Variants in ZDHHC15 observed in about 807,000 individuals in gnomAD.
ZDHHC15 encodes zDHHC palmitoyltransferase 15.
ZDHHC15 carries 19 observed loss-of-function variants against 31.7 expected under a neutral mutation model. The observed-to-expected ratio is 0.60, with a 90% CI of 0.42 to 0.88. The LOEUF (loss-of-function observed/expected upper bound fraction) is 0.88, where lower values mean the gene tolerates loss of function less well. Among genes scored for constraint, ZDHHC15 ranks in the 40% least tolerant of loss-of-function variants. The probability of loss-of-function intolerance (pLI) is 0.00; values close to 1 mark genes in which losing one functional copy is unlikely to be tolerated. For missense variants in ZDHHC15, 209 were observed against 251.2 expected, an observed-to-expected ratio of 0.83 and a Z score of 1.14; for synonymous variants, 103 against 90.0, an observed-to-expected ratio of 1.14 and a Z score of -0.82.
At chrX:75,468,041 ATTTTT>A (rs142205044) in intron 3 of ZDHHC15, among the ~76,000 whole-genome samples, 1 of 83,841 alleles carries the variant, frequency 1.2e-5, no homozygotes, top group Non-Finnish European at 2.3e-5. Context: ...AACTGGCATA[ATTTTT>A]TTTTTTTTTT....
chrX:75,386,739 A>C (rs1435646602), intron 10 of ZDHHC15, among the ~76,000 whole-genome samples: 3 of 112,391 alleles, frequency 2.7e-5, no homozygotes, highest in Non-Finnish European at 5.6e-5. Flanking sequence ...AGTCTCCCAC[A>C]GTGCTGGGAT....
At chrX:75,398,885 G>C (rs774124348) in intron 10 of ZDHHC15, among the ~76,000 whole-genome samples, 1 of 111,998 alleles carries the variant, frequency 8.9e-6, no homozygotes, top group East Asian at 2.8e-4. Flanking sequence ...TGCTTTTTAA[G>C]CAGTTCCCAA....
chrX:75,499,648 A>G (rs2085060495), intron 2 of ZDHHC15, among the ~76,000 whole-genome samples: 2 of 112,013 alleles, frequency 1.8e-5, no homozygotes, highest in African/African-American at 3.2e-5. Flanking sequence ...TGAATGTGGT[A>G]AAAAGGGAAC....
At chrX:75,481,920 G>A (rs1391039653) in intron 2 of ZDHHC15, among the ~76,000 whole-genome samples, 1 of 112,206 alleles carries the variant, frequency 8.9e-6, no homozygotes, top group Non-Finnish European at 1.9e-5. Flanking sequence ...GCAATAAAAT[G>A]TTAATTCTAA....
chrX:75,432,552 A>G (rs1253465576), intron 4 of ZDHHC15, among the ~76,000 whole-genome samples: 1 of 111,551 alleles, frequency 9.0e-6, no homozygotes, highest in African/African-American at 3.3e-5. Context: ...ATATACTGTC[A>G]ATGCTCCTAT....
intron 5 of ZDHHC15, among the ~76,000 whole-genome samples, chrX:75,430,467 A>G (rs2083767166): frequency 8.9e-6 from 1 of 111,893 alleles, no homozygotes; most frequent in African/African-American, 3.2e-5. Context: ...GTATTGGGTT[A>G]TAATGCAAAA....
intron 10 of ZDHHC15, among the ~76,000 whole-genome samples, chrX:75,416,205 A>T (rs1005296838): frequency 1.8e-5 from 2 of 111,329 alleles, no homozygotes; most frequent in South Asian, 7.6e-4. Context: ...ATTTCCTGGT[A>T]ATCAGGGCCT....
chrX:75,384,152 G>A (rs1179849619), intron 10 of ZDHHC15, among the ~76,000 whole-genome samples: 1 of 111,470 alleles, frequency 9.0e-6, no homozygotes, highest in Non-Finnish European at 1.9e-5. Flanking sequence ...TCATATGAGG[G>A]AATAAAAGAG....
At chrX:75,422,657 C>T (rs928642474) in intron 8 of ZDHHC15, among the ~76,000 whole-genome samples, 1 of 111,052 alleles carries the variant, frequency 9.0e-6, no homozygotes, top group Non-Finnish European at 1.9e-5. Flanking sequence ...CTCATTTGTT[C>T]TTTGTTTTCA....
At position 75,447,572 on chromosome X, in the gene ZDHHC15, A is replaced by T. The variant is rs140429507; in HGVS notation, c.379+3230T>A. Among the ~76,000 whole-genome samples, 326 of 111,653 alleles carry T rather than the reference A, an allele frequency of 2.9e-3. 1 individual carries two copies. Among genetic ancestry groups the T allele is most frequent in the African/African-American group, 9.7e-3 (298 of 30,762 alleles). On this transcript the variant is annotated intron_variant, in intron 4 of 11. Coordinates refer to ENST00000373367, the MANE Select transcript of ZDHHC15 (RefSeq NM_144969.3). ...GCCAATACCTTGCAGGGCTGGGGCA[A>T]GATTTTCCCAAAAGCTGTATATGCT...
intron 2 of ZDHHC15, among the ~76,000 whole-genome samples, chrX:75,485,705 C>T (rs1279166638): frequency 9.0e-6 from 1 of 111,019 alleles, no homozygotes; most frequent in African/African-American, 3.3e-5. Context: ...CTTGTCAAAA[C>T]GTAAAGGGGA....
At chrX:75,487,699 T>C (rs1373856614) in intron 2 of ZDHHC15, among the ~76,000 whole-genome samples, 15 of 111,956 alleles carry the variant, frequency 1.3e-4, no homozygotes, top group Non-Finnish European at 2.6e-4. Context: ...GAATTGCAGA[T>C]AAAGAATTCA....
intron 1 of ZDHHC15, among the ~76,000 whole-genome samples, chrX:75,507,435 G>C (rs766698089): frequency 5.4e-5 from 6 of 110,454 alleles, no homozygotes; most frequent in African/African-American, 2.0e-4. Context: ...TAAAAGATGT[G>C]GCACTTATCT....
chrX:75,453,503 T>C (rs1188240918), intron 3 of ZDHHC15, among the ~76,000 whole-genome samples: 3 of 111,246 alleles, frequency 2.7e-5, no homozygotes, highest in East Asian at 2.8e-4. Flanking sequence ...TTTCAATTGA[T>C]AGAAAAAGAG....
At chrX:75,406,733 G>C (rs780716088) in intron 10 of ZDHHC15, among the ~76,000 whole-genome samples, 4 of 107,441 alleles carry the variant, frequency 3.7e-5, no homozygotes, top group African/African-American at 1.0e-4. Context: ...AAAAGATGGC[G>C]TCACTGCTGA....
intron 9 of ZDHHC15, among the ~76,000 whole-genome samples, chrX:75,417,704 T>G (rs2083564130): frequency 9.0e-6 from 1 of 111,625 alleles, no homozygotes; most frequent in Non-Finnish European, 1.9e-5. Flanking sequence ...ATCTCTAGAC[T>G]GCAGATTTTC....
chrX:75,410,917 T>C (rs1432436095), intron 10 of ZDHHC15, among the ~76,000 whole-genome samples: 1 of 112,260 alleles, frequency 8.9e-6, no homozygotes, highest in African/African-American at 3.2e-5. Flanking sequence ...TATAAAAACG[T>C]TAAAATCCTG....
intron 10 of ZDHHC15, among the ~76,000 whole-genome samples, chrX:75,380,827 C>T (rs1437291983): frequency 1.8e-5 from 2 of 111,328 alleles, no homozygotes; most frequent in African/African-American, 6.5e-5. Flanking sequence ...TCTACTTGAA[C>T]CAAGAATGAT....
intron 10 of ZDHHC15, among the ~76,000 whole-genome samples, chrX:75,403,627 C>A (rs1049824801): frequency 2.7e-5 from 3 of 111,647 alleles, no homozygotes; most frequent in Non-Finnish European, 5.7e-5. Flanking sequence ...TTCCCATTCA[C>A]AATTGCCACA....
Sources: allele counts gnomAD v4.1 joint callset (sites outside exome capture counted in the v4.1 genomes callset), GRCh38; gene constraint gnomAD v4.1.1; transcripts MANE v1.5; gene names NCBI Gene and HGNC (gene_info 2026-07-23, HGNC 2026-07-21).